SENP1: variants seen among roughly 807,000 people sequenced by gnomAD.
The protein encoded by SENP1 is sentrin-specific protease 1.
SENP1 carries 21 observed loss-of-function variants against 93.0 expected under a neutral mutation model. That is an observed-to-expected ratio of 0.23 (90% CI 0.16 to 0.33). The LOEUF is 0.33. Among genes scored for constraint, SENP1 ranks in the 10% least tolerant of loss-of-function variants. The probability of loss-of-function intolerance (pLI) is 1.00; values close to 1 mark genes in which losing one functional copy is unlikely to be tolerated. For synonymous variants in SENP1, 256 were observed against 259.6 expected (o/e 0.99, Z 0.13); for missense variants, 591 against 758.7 (o/e 0.78, Z 2.60).
At position 48,088,820 on chromosome 12, in the gene SENP1, C is replaced by T. The variant is rs553082909; in HGVS notation, c.361G>A (p.Glu121Lys). 5.0e-6 allele frequency: 8 copies of T among 1,609,672 alleles called. No individual in the cohort carries two copies. The highest frequency in any genetic ancestry group is 1.7e-5 in the Admixed American group (1 of 59,428). ...KSRNSRSLYL[E>K]TRKTSSGLSN... The stretch of plus-strand genomic sequence containing the variant: ...ACGAACCTTGAGGTCTTTCGGGTTT[C>T]GAGGTAAAGACTTCGGCTGTTTCTT... Residue 121 changes from glutamate (E) to lysine (K), a missense_variant, in exon 5 of 18, where the codon GAA becomes AAA. Glu to Lys is a moderately conservative substitution (Grantham distance 56). Coordinates refer to ENST00000549518, the MANE Select transcript of SENP1 (RefSeq NM_001267594.2).
intron 13 of SENP1, among the ~76,000 whole-genome samples, chr12:48,051,560 T>C (rs1231819073): frequency 6.6e-6 from 1 of 151,974 alleles, no homozygotes; most frequent in Non-Finnish European, 1.5e-5. Context: ...ACCATCCAAA[T>C]GAGGAAAATT....
intron 6 of SENP1, among the ~76,000 whole-genome samples, chr12:48,081,626 A>C (rs1944499925): frequency 7.1e-6 from 1 of 140,810 alleles, no homozygotes; most frequent in Non-Finnish European, 1.5e-5. Context: ...GCTGCAGTGC[A>C]GTGGCACAAT....
rs1018923874 is a variant in SENP1 at position 48,042,953 on chromosome 12, A to ACG, written c.*2368_*2369insCG. On this transcript the variant is annotated 3_prime_UTR_variant, in exon 18 of 18. Coordinates refer to ENST00000549518, the MANE Select transcript of SENP1 (RefSeq NM_001267594.2). Reference sequence around the variant, plus strand: ...AAGTAAATTACATAAGATATTAATAACATGCCTTTGGGCCATAAAATGCAG... The same window carrying ACG: ...AAGTAAATTACATAAGATATTAATAACGCATGCCTTTGGGCCATAAAATGCAG... The ACG allele has an allele frequency of 2.6e-5, 4 of 152,020 alleles. No individual in the cohort carries two copies. The highest frequency in any genetic ancestry group is 4.4e-5 in the Non-Finnish European group (3 of 67,980). The allele number at this position is 152,020 out of a possible 1,614,324, so 9.4% of individuals were successfully genotyped here.
chr12:48,057,906 T>C (rs1440914387), intron 13 of SENP1, among the ~76,000 whole-genome samples: 1 of 149,048 alleles, frequency 6.7e-6, no homozygotes, highest in Non-Finnish European at 1.5e-5. Flanking sequence ...CTTAAATATG[T>C]TAAAATTAAT....
At position 48,070,316 on chromosome 12, in the gene SENP1, CT is replaced by C. The variant is rs1171417429; in HGVS notation, c.995+1350del. On this transcript the variant is annotated intron_variant, in intron 9 of 17. Transcript: ENST00000549518. ...CTCCATCATGTCTCTGCTCAAGTCA[CT>C]TTATCAGAGACTTTCCATGACCACC... Among the ~76,000 whole-genome samples the C allele has an allele frequency of 3.3e-5, 5 of 152,352 alleles. No homozygotes were observed. The East Asian group carries it at 9.6e-4, about 29-fold the overall frequency.
At chr12:48,103,459 A>G (rs566383179) in intron 1 of SENP1, among the ~76,000 whole-genome samples, 1 of 152,380 alleles carries the variant, frequency 6.6e-6, no homozygotes, top group African/African-American at 2.4e-5. Context: ...TGGGGAATCC[A>G]CACTGATTTA....
chr12:48,063,806 A>G lies in SENP1; in HGVS notation c.1311T>C (p.Asn437=). The G allele has an allele frequency of 6.2e-7, 1 of 1,612,814 alleles. No individual in the cohort carries two copies. Among genetic ancestry groups the G allele is most frequent in the Non-Finnish European group, 8.5e-7 (1 of 1,179,490 alleles). Residue 437 remains asparagine (N), a synonymous_variant, in exon 13 of 18, where the codon AAT becomes AAC. Transcript: ENST00000549518. ...CACTGAGAACTTCATCCTGATTCCC[A>G]TTACGAAATACATTCTTTATTTCTT... ...MEKEIKNVFR[N]GNQDEVLSEA... is the part of the protein sequence containing the mutation.
In SENP1 at chr12:48,100,915, G is replaced by C. The variant is rs564998827; in HGVS notation, c.4+554C>G. On this transcript the variant is annotated intron_variant, in intron 2 of 17. Coordinates refer to ENST00000549518, the MANE Select transcript of SENP1 (RefSeq NM_001267594.2). The stretch of plus-strand genomic sequence containing the variant: ...TCTAGTACACAGTAAATGTTTGCTA[G>C]GGTATACTTAACTTTTTCAATACAA... 7.2e-5 allele frequency among the ~76,000 whole-genome samples: 11 copies of C among 152,312 alleles called. No individual in the cohort carries two copies. In the South Asian group the frequency reaches 2.3e-3, roughly 32 times the overall value.
intron 6 of SENP1, among the ~76,000 whole-genome samples, chr12:48,077,884 T>C (rs1294780581): frequency 1.3e-5 from 2 of 152,192 alleles, no homozygotes; most frequent in African/African-American, 4.8e-5. Context: ...TTCTTTTTTG[T>C]TCTTTCTGCT....
chr12:48,064,040 T>C lies in SENP1; in HGVS notation c.1276-199A>G, dbSNP rs528359169. ...CCCGATTACTTCTTTCCACTTCATC[T>C]AGTCCTCCCTTCTCTTTTTCAGCAC... On this transcript the variant is annotated intron_variant, in intron 12 of 17. Transcript: ENST00000549518. 5.7e-4 allele frequency among the ~76,000 whole-genome samples: 87 copies of C among 152,350 alleles called. 1 individual carries two copies. In the South Asian group the frequency reaches 0.017, roughly 30 times the overall value.
chr12:48,097,181 A>G (rs953508198), intron 3 of SENP1, among the ~76,000 whole-genome samples: 6 of 152,242 alleles, frequency 3.9e-5, no homozygotes, highest in African/African-American at 1.2e-4. Context: ...TTTATAACAC[A>G]TATTAAAAAG....
At position 48,096,423 on chromosome 12, in the gene SENP1, A is replaced by G; in HGVS notation, c.140T>C (p.Leu47Ser). 6.2e-7 allele frequency: 1 copy of G among 1,604,348 alleles called. No individual in the cohort carries two copies. The change falls in exon 4 of 18, where the codon TTA becomes TCA. Residue 47 changes from leucine to serine, a missense_variant. Coordinates refer to ENST00000549518, the MANE Select transcript of SENP1 (RefSeq NM_001267594.2). Reference protein sequence around the residue: ...DQLSLSDQQILSSRQGHLDRS... With the variant: ...DQLSLSDQQISSSRQGHLDRS... Reference sequence around the variant, plus strand: ...GTCCAAATGTCCTTGCCTGGAAGATAAAATCTAAACAAAGCAGAAGATTTT... The same window carrying G: ...GTCCAAATGTCCTTGCCTGGAAGATGAAATCTAAACAAAGCAGAAGATTTT...
At chr12:48,079,896 A>G (rs1944390835) in intron 6 of SENP1, among the ~76,000 whole-genome samples, 1 of 152,210 alleles carries the variant, frequency 6.6e-6, no homozygotes, top group Admixed American at 6.5e-5. Context: ...AAATTTCAAT[A>G]ATTTTCTGAG....
intron 12 of SENP1, among the ~76,000 whole-genome samples, 173 bp from the exon 13 acceptor site, chr12:48,064,014 C>T (rs561171569): frequency 3.3e-4 from 51 of 152,264 alleles, no homozygotes; most frequent in Middle Eastern, 3.4e-3. Context: ...TCCCAGTAAT[C>T]CCCGATTACT....
intron 13 of SENP1, among the ~76,000 whole-genome samples, chr12:48,053,579 C>T (rs1941985198): frequency 6.6e-6 from 1 of 152,042 alleles, no homozygotes; most frequent in South Asian, 2.1e-4. Context: ...AGTACTTCCC[C>T]ATAAAGTTTT....
At chr12:48,052,180 T>G (rs1941867465) in intron 13 of SENP1, among the ~76,000 whole-genome samples, 1 of 152,160 alleles carries the variant, frequency 6.6e-6, no homozygotes, top group Non-Finnish European at 1.5e-5. Flanking sequence ...AAACTAAGGA[T>G]TCAATCTTTT....
At chr12:48,105,264 T>TTA (rs764460976) in intron 1 of SENP1, 9 of 412,486 alleles carry the variant, frequency 2.2e-5, no homozygotes, top group Non-Finnish European at 3.9e-5. Context: ...AAGAAGCAAG[T>TTA]TACTGCTAAC....
In SENP1 at chr12:48,083,231, G is replaced by A. The variant is rs962083064; in HGVS notation, c.552+360C>T. Among the ~76,000 whole-genome samples, 5 of 152,154 alleles carry A rather than the reference G, an allele frequency of 3.3e-5. 1 individual carries two copies. The highest frequency in any genetic ancestry group is 2.1e-4 in the South Asian group (1 of 4,828). On this transcript the variant is annotated intron_variant, in intron 6 of 17. Coordinates refer to ENST00000549518, the MANE Select transcript of SENP1 (RefSeq NM_001267594.2). The stretch of plus-strand genomic sequence containing the variant: ...GAAATAAAATTTTATCAAAAACTAC[G>A]GAGGAAGAGTAACAATTTTTCCATA...
chr12:48,091,006 A>G (rs1016606884), intron 4 of SENP1, among the ~76,000 whole-genome samples: 6 of 152,224 alleles, frequency 3.9e-5, no homozygotes, highest in African/African-American at 1.4e-4. Flanking sequence ...GTGTACATAC[A>G]TACACACAAA....
Sources: allele counts gnomAD v4.1 joint callset (sites outside exome capture counted in the v4.1 genomes callset), GRCh38; gene constraint gnomAD v4.1.1; transcripts MANE v1.5; gene names NCBI Gene and HGNC (gene_info 2026-07-23, HGNC 2026-07-21).